Variants in ZBTB20 observed in about 807,000 individuals in gnomAD.
ZBTB20 encodes zinc finger and BTB domain containing 20.
A neutral mutation model predicts 56.9 loss-of-function variants in ZBTB20; 9 were observed. The ratio of observed to expected loss-of-function variants is 0.16; its 90% CI spans 0.10 to 0.28. ZBTB20 has a LOEUF of 0.28. ZBTB20 is among the 10% of genes least tolerant of loss of function. ZBTB20 has a pLI of 1.00. For missense variants in ZBTB20, 655 were observed against 1,003.0 expected (o/e 0.65, Z 4.69); for synonymous variants, 417 against 420.7 (o/e 0.99, Z 0.11).
intron 6 of ZBTB20, among the ~76,000 whole-genome samples, chr3:114,618,304 T>C (rs1164366946): frequency 6.7e-5 from 10 of 148,984 alleles, no homozygotes; most frequent in African/African-American, 1.7e-4. Flanking sequence ...GGTTGGAGTA[T>C]AGTGGTGCAA....
chr3:114,731,470 T>C (rs187926898), intron 5 of ZBTB20, among the ~76,000 whole-genome samples: 8 of 152,354 alleles, frequency 5.3e-5, no homozygotes, highest in Admixed American at 1.3e-4. Context: ...CTTTTCTATG[T>C]ATCTGGACTC....
chr3:114,811,521 A>G (rs2072513812), intron 4 of ZBTB20, among the ~76,000 whole-genome samples: 1 of 152,202 alleles, frequency 6.6e-6, no homozygotes, highest in African/African-American at 2.4e-5. Context: ...TTTCCTTCAG[A>G]GACTTAAATA....
chr3:115,048,688 G>C (rs2081426906), intron 2 of ZBTB20, among the ~76,000 whole-genome samples: 1 of 150,090 alleles, frequency 6.7e-6, no homozygotes, highest in Admixed American at 6.6e-5. Flanking sequence ...TATTGCAAAA[G>C]TCATCCATTA....
At chr3:114,668,402 C>T (rs2061176760) in intron 6 of ZBTB20, among the ~76,000 whole-genome samples, 1 of 151,938 alleles carries the variant, frequency 6.6e-6, no homozygotes, top group South Asian at 2.1e-4. Context: ...TAATAAGTTG[C>T]CTTTCTGGGT....
At chr3:114,514,419 A>G (rs758720669) in intron 6 of ZBTB20, among the ~76,000 whole-genome samples, 1 of 152,196 alleles carries the variant, frequency 6.6e-6, no homozygotes, top group Non-Finnish European at 1.5e-5. Context: ...TTACTTTGCT[A>G]GGCTGACATA....
chr3:114,699,630 T>C (rs2063271732), intron 5 of ZBTB20, among the ~76,000 whole-genome samples: 1 of 152,142 alleles, frequency 6.6e-6, no homozygotes, highest in Non-Finnish European at 1.5e-5. Flanking sequence ...ACCATCTTGT[T>C]AATTCTGTAG....
intron 1 of ZBTB20, among the ~76,000 whole-genome samples, chr3:115,126,411 T>G (rs952282540): frequency 6.6e-5 from 10 of 152,160 alleles, no homozygotes; most frequent in Non-Finnish European, 1.5e-4. Flanking sequence ...GCAAGAATGT[T>G]TATTCTAGCA....
chr3:114,506,853 G>A (rs776757488), intron 6 of ZBTB20, among the ~76,000 whole-genome samples: 4 of 152,028 alleles, frequency 2.6e-5, no homozygotes, highest in African/African-American at 7.2e-5. Flanking sequence ...CTTTATATAC[G>A]GTGACAGCCT....
At chr3:114,781,072 T>C (rs537022717) in intron 5 of ZBTB20, among the ~76,000 whole-genome samples, 21 of 152,322 alleles carry the variant, frequency 1.4e-4, no homozygotes, top group African/African-American at 5.1e-4. Flanking sequence ...AAATTTTAAT[T>C]TGAAGACTTG....
rs369118488 is a variant in ZBTB20, at chr3:114,907,067, C to T, written c.-455-6725G>A. 4.3e-4 allele frequency among the ~76,000 whole-genome samples: 66 copies of T among 151,852 alleles called. No individual in the cohort carries two copies. In the South Asian group the frequency reaches 9.8e-3, roughly 22 times the overall value. ...AACATTCTTCACATCATTTCACATGCTGAAAACTCAACCTTTGTAAATATA... is the reference window on the plus strand; with the variant it reads ...AACATTCTTCACATCATTTCACATGTTGAAAACTCAACCTTTGTAAATATA... On this transcript the variant is annotated intron_variant, in intron 3 of 11. Coordinates refer to ENST00000675478, the MANE Select transcript of ZBTB20 (RefSeq NM_001348800.3).
intron 1 of ZBTB20, among the ~76,000 whole-genome samples, chr3:115,089,618 T>G (rs910867763): frequency 6.6e-6 from 1 of 151,768 alleles, no homozygotes; most frequent in African/African-American, 2.4e-5. Context: ...GGAAAAAATA[T>G]AATAGGATGT....
chr3:114,494,942 T>G (rs754860062), intron 7 of ZBTB20, among the ~76,000 whole-genome samples: 8 of 152,226 alleles, frequency 5.3e-5, no homozygotes, highest in Non-Finnish European at 1.2e-4. Context: ...TGATTTTGCT[T>G]GGAATATGAT....
intron 6 of ZBTB20, chr3:114,518,777 A>G (rs2109898910): frequency 6.6e-6 from 1 of 152,310 alleles, no homozygotes; most frequent in African/African-American, 2.4e-5. Flanking sequence ...GCTTTAGGCC[A>G]GTGGTTCTCA....
At chr3:114,753,318 T>C in intron 5 of ZBTB20, among the ~76,000 whole-genome samples, 1 of 140,394 alleles carries the variant, frequency 7.1e-6, no homozygotes, top group Admixed American at 7.4e-5. Context: ...AATGTATATA[T>C]GTATACCTGT....
At chr3:114,368,911 A>C (rs1371745945) in intron 10 of ZBTB20, among the ~76,000 whole-genome samples, 1 of 152,224 alleles carries the variant, frequency 6.6e-6, no homozygotes, top group Non-Finnish European at 1.5e-5. Flanking sequence ...AATTGGAAAA[A>C]ATCCAGTCAG....
intron 6 of ZBTB20, among the ~76,000 whole-genome samples, chr3:114,564,821 T>C (rs551462593): frequency 1.8e-4 from 28 of 152,344 alleles, no homozygotes; most frequent in African/African-American, 6.3e-4. Context: ...CTTCAGGCAC[T>C]ACATTGACAT....
chr3:114,910,821 T>C (rs539511988), intron 3 of ZBTB20, among the ~76,000 whole-genome samples: 85 of 152,016 alleles, frequency 5.6e-4, no homozygotes, highest in Non-Finnish European at 9.1e-4. Context: ...TCTTTCTTAA[T>C]TATGTTCACA....
At chr3:114,494,120 A>G (rs1399713278) in intron 7 of ZBTB20, among the ~76,000 whole-genome samples, 2 of 152,240 alleles carry the variant, frequency 1.3e-5, no homozygotes, top group Non-Finnish European at 2.9e-5. Flanking sequence ...ATAGCCATGA[A>G]AAGTATTTAG....
intron 1 of ZBTB20, among the ~76,000 whole-genome samples, chr3:115,115,683 T>C (rs2083997445): frequency 6.6e-6 from 1 of 152,052 alleles, no homozygotes; most frequent in South Asian, 2.1e-4. Context: ...GTGTTTCCAA[T>C]GGTAAATATG....
Sources: allele counts gnomAD v4.1 joint callset (sites outside exome capture counted in the v4.1 genomes callset), GRCh38; gene constraint gnomAD v4.1.1; transcripts MANE v1.5; gene names NCBI Gene and HGNC (gene_info 2026-07-23, HGNC 2026-07-21).